Variants in SDCCAG8 observed in about 807,000 individuals in gnomAD.
SDCCAG8 encodes serologically defined colon cancer antigen 8.
A neutral mutation model predicts 101.8 loss-of-function variants in SDCCAG8; 74 were observed. The observed-to-expected ratio is 0.73, with a 90% CI of 0.60 to 0.88. The LOEUF (loss-of-function observed/expected upper bound fraction) is 0.88. Among genes scored for constraint, SDCCAG8 ranks in the 40% least tolerant of loss-of-function variants. The pLI is 0.00. For missense variants in SDCCAG8, 787 were observed against 822.6 expected, an observed-to-expected ratio of 0.96 and a Z score of 0.53; for synonymous variants, 281 against 292.9, an observed-to-expected ratio of 0.96 and a Z score of 0.41.
intron 1 of SDCCAG8, among the ~76,000 whole-genome samples, chr1:243,259,270 G>A (rs1212352201): frequency 1.3e-5 from 2 of 152,116 alleles, no homozygotes; most frequent in Non-Finnish European, 2.9e-5. Context: ...AGCCGGGCGT[G>A]GTGGCGGGCG....
At chr1:243,263,719 C>T (rs1342565724) in intron 1 of SDCCAG8, among the ~76,000 whole-genome samples, 1 of 152,184 alleles carries the variant, frequency 6.6e-6, no homozygotes, top group Non-Finnish European at 1.5e-5. Context: ...ACCACTTTAG[C>T]ATGTTTTCAG....
intron 13 of SDCCAG8, among the ~76,000 whole-genome samples, chr1:243,391,210 A>C (rs914208591): frequency 6.6e-6 from 1 of 152,212 alleles, no homozygotes; most frequent in Admixed American, 6.5e-5. Flanking sequence ...CACAAAGTAC[A>C]TCGTGATTTG....
At chr1:243,328,855 T>C (rs988777520) in intron 9 of SDCCAG8, among the ~76,000 whole-genome samples, 6 of 152,232 alleles carry the variant, frequency 3.9e-5, no homozygotes, top group African/African-American at 1.4e-4. Flanking sequence ...GTGCCTTTCA[T>C]GGTAGCCTGG....
chr1:243,439,864 G>A (rs1346194539), intron 16 of SDCCAG8, among the ~76,000 whole-genome samples: 2 of 152,190 alleles, frequency 1.3e-5, no homozygotes, highest in African/African-American at 2.4e-5. Context: ...CAGCCTCTCA[G>A]CGGGGCTTGG....
intron 16 of SDCCAG8, among the ~76,000 whole-genome samples, chr1:243,434,103 A>C (rs1420427956): frequency 6.6e-6 from 1 of 152,224 alleles, no homozygotes; most frequent in Non-Finnish European, 1.5e-5. Flanking sequence ...ATTTAGCTTC[A>C]TCACAATAAT....
intron 9 of SDCCAG8, among the ~76,000 whole-genome samples, chr1:243,328,347 T>C (rs572677168): frequency 6.6e-6 from 1 of 151,452 alleles, no homozygotes; most frequent in Non-Finnish European, 1.5e-5. Flanking sequence ...GGCACCATCT[T>C]GGCTCACTGC....
At chr1:243,406,399 T>G (rs1241851307) in intron 13 of SDCCAG8, among the ~76,000 whole-genome samples, 4 of 152,186 alleles carry the variant, frequency 2.6e-5, no homozygotes, top group Non-Finnish European at 4.4e-5. Flanking sequence ...ATTAATGAAG[T>G]GTGCATTGTC....
At chr1:243,366,948 T>C (rs1272756262) in intron 12 of SDCCAG8, among the ~76,000 whole-genome samples, 1 of 152,100 alleles carries the variant, frequency 6.6e-6, no homozygotes, top group Non-Finnish European at 1.5e-5. Flanking sequence ...TGCTCAAAAA[T>C]ATTTATTGTA....
chr1:243,371,259 T>G lies in SDCCAG8; in HGVS notation c.1474-7462T>G, dbSNP rs537695197. Among the ~76,000 whole-genome samples, 4 of 152,214 alleles carry G rather than the reference T, an allele frequency of 2.6e-5. No homozygotes were observed. In the South Asian group the frequency reaches 8.3e-4, roughly 32 times the overall value. ...TGTGTCATTTCCTCTTTATTTTCTC[T>G]TGTATCTAGGATTGTTTAGGGAGAC... is the stretch of plus-strand genomic sequence containing the variant. On this transcript the variant is annotated intron_variant, in intron 12 of 17. Transcript: ENST00000366541.
At chr1:243,384,479 AAT>A (rs1211163586) in intron 13 of SDCCAG8, among the ~76,000 whole-genome samples, 2 of 152,080 alleles carry the variant, frequency 1.3e-5, no homozygotes, top group African/African-American at 4.8e-5. Context: ...ACTTTGTGTA[AAT>A]ATATATGTTT....
intron 16 of SDCCAG8, among the ~76,000 whole-genome samples, chr1:243,485,788 C>T (rs1664661553): frequency 6.6e-6 from 1 of 151,794 alleles, no homozygotes; most frequent in African/African-American, 2.4e-5. Context: ...CCTATAATCC[C>T]AGCTACGGCA....
chr1:243,489,839 G>A (rs1665945452), intron 17 of SDCCAG8, among the ~76,000 whole-genome samples: 2 of 152,304 alleles, frequency 1.3e-5, no homozygotes, highest in East Asian at 1.9e-4. Context: ...GGTTAGATCC[G>A]GGGCCACCAG....
intron 8 of SDCCAG8, among the ~76,000 whole-genome samples, chr1:243,309,502 G>T (rs548585711): frequency 6.1e-4 from 93 of 152,244 alleles, no homozygotes; most frequent in African/African-American, 2.2e-3. Flanking sequence ...CTCAGGTTGG[G>T]GGTGAGTTGC....
intron 9 of SDCCAG8, among the ~76,000 whole-genome samples, chr1:243,328,845 G>A (rs1257028097): frequency 5.3e-5 from 8 of 152,094 alleles, no homozygotes; most frequent in African/African-American, 1.7e-4. Context: ...GATTCTGTAG[G>A]TGCCTTTCAT....
At chr1:243,315,441 A>C (rs913665172) in intron 8 of SDCCAG8, among the ~76,000 whole-genome samples, 2 of 152,182 alleles carry the variant, frequency 1.3e-5, no homozygotes, top group Non-Finnish European at 2.9e-5. Flanking sequence ...TATTTTTATC[A>C]ATTTAAAACA....
chr1:243,371,709 G>A (rs1009488449), intron 12 of SDCCAG8, among the ~76,000 whole-genome samples: 4 of 152,140 alleles, frequency 2.6e-5, no homozygotes, highest in South Asian at 4.1e-4. Flanking sequence ...ATATCCTTTT[G>A]TTCACATAGG....
chr1:243,368,919 G>T lies in SDCCAG8; in HGVS notation c.1474-9802G>T, dbSNP rs559972042. 1.5e-4 allele frequency among the ~76,000 whole-genome samples: 23 copies of T among 152,232 alleles called. No homozygotes were observed. In the South Asian group the frequency reaches 3.9e-3, roughly 26 times the overall value. ...ACTTAGAATAAAAATTATTTGTGAA[G>T]CCAGTGAAATAAATCCTACTACTAA... On this transcript the variant is annotated intron_variant, in intron 12 of 17. Coordinates refer to ENST00000366541, the MANE Select transcript of SDCCAG8 (RefSeq NM_006642.5).
chr1:243,492,172 GGT>G (rs1302373043), intron 17 of SDCCAG8, among the ~76,000 whole-genome samples: 2 of 151,838 alleles, frequency 1.3e-5, no homozygotes, highest in African/African-American at 2.4e-5. Flanking sequence ...GGGAGCCCCT[GGT>G]AGTGGTAGCT....
At chr1:243,361,652 A>T (rs1009344514) in intron 12 of SDCCAG8, among the ~76,000 whole-genome samples, 1 of 152,246 alleles carries the variant, frequency 6.6e-6, no homozygotes, top group East Asian at 1.9e-4. Flanking sequence ...CTTCTCAGAC[A>T]TGCCATGGCC....
Sources: allele counts gnomAD v4.1 joint callset (sites outside exome capture counted in the v4.1 genomes callset), GRCh38; gene constraint gnomAD v4.1.1; transcripts MANE v1.5; gene names NCBI Gene and HGNC (gene_info 2026-07-23, HGNC 2026-07-21).